Variants in EGFL8 observed in about 807,000 individuals in gnomAD.
EGFL8 encodes epidermal growth factor-like protein 8.
In EGFL8, 32 loss-of-function variants were observed where a neutral mutation model predicts 39.4. The ratio of observed to expected loss-of-function variants is 0.81; its 90% CI spans 0.61 to 1.09. The LOEUF (loss-of-function observed/expected upper bound fraction) is 1.09, where lower values mean the gene tolerates loss of function less well. Among genes scored for constraint, EGFL8 ranks in the 50% least tolerant of loss-of-function variants. The probability of loss-of-function intolerance (pLI) is 0.00; values close to 1 mark genes in which losing one functional copy is unlikely to be tolerated. For missense variants in EGFL8, 385 were observed against 402.2 expected (o/e 0.96, Z 0.37); for synonymous variants, 177 against 168.5 (o/e 1.05, Z -0.39).
rs1784525093 is a variant in EGFL8, at chr6:32,166,731, GAGGC to G, written c.256_259del (p.Arg86GlyfsTer33). ...TGTACCGCGTTATGTGGCGGGAGGTGAGGCGGGAGGTTCAGCAGACCCATGCAGT... is the reference window on the plus strand; with the variant it reads ...TGTACCGCGTTATGTGGCGGGAGGTGGGGAGGTTCAGCAGACCCATGCAGT... On this transcript the variant is annotated frameshift_variant, in exon 4 of 9. Transcript: ENST00000333845. LOFTEE classifies it high-confidence loss of function. The surrounding 1 kb of genome is among the most constrained non-coding windows in gnomAD (Gnocchi z 7.3). The G allele has an allele frequency of 6.3e-7, 1 of 1,594,368 alleles. No homozygotes were observed. The highest frequency in any genetic ancestry group is 8.6e-7 in the Non-Finnish European group (1 of 1,168,146).
rs764033710 is a variant in EGFL8, at chr6:32,167,077, C to T, written c.431-10C>T. The T allele has an allele frequency of 2.5e-6, 4 of 1,612,992 alleles. No homozygotes were observed. Among genetic ancestry groups the T allele is most frequent in the East Asian group, 4.5e-5 (2 of 44,880 alleles). The stretch of plus-strand genomic sequence containing the variant: ...CCCTCTCTCAGCCCCTTCCTTTTTT[C>T]GGTAACTAGACGTGGATGAATGTAG... On this transcript the variant is annotated splice_polypyrimidine_tract_variant and intron_variant, in intron 5 of 8. Transcript: ENST00000333845. The surrounding 1 kb of genome is among the most constrained non-coding windows in gnomAD (Gnocchi z 6.4).
rs760088898 is a variant in EGFL8 at position 32,167,565 on chromosome 6, G to A, written c.744G>A (p.Gln248=). 8.1e-6 allele frequency: 13 copies of A among 1,610,228 alleles called. No individual in the cohort carries two copies. In the African/African-American group the frequency reaches 1.3e-4, roughly 17 times the overall value. ...TGCCCGTGCCGCCTGAAGAGCTGCA[G>A]CCAGAACAGGTGGCTGAGCTGTGGG... ...AVLPVPPEEL[Q]PEQVAELWGR... is the part of the protein sequence containing the mutation. Residue 248 remains glutamine, a synonymous_variant, in exon 8 of 9, where the codon CAG becomes CAA. Transcript: ENST00000333845. This position sits in a 1 kb window ranked among gnomAD's most constrained non-coding sequence, Gnocchi z 6.4.
At position 32,167,837 on chromosome 6, in the gene EGFL8, T is replaced by G; in HGVS notation, c.836-73T>G. On this transcript the variant is annotated intron_variant, in intron 8 of 8. Transcript: ENST00000333845. This position sits in a 1 kb window ranked among gnomAD's most constrained non-coding sequence, Gnocchi z 6.4. ...TCCCCAGCCCAACAGTTTCACTTAT[T>G]GTTTGGTGAGAGTGGCAGTGTAGTC... 6.4e-7 allele frequency: 1 copy of G among 1,564,576 alleles called. No homozygotes were observed. Among genetic ancestry groups the G allele is most frequent in the Non-Finnish European group, 8.8e-7 (1 of 1,138,390 alleles).
At position 32,167,750 on chromosome 6, in the gene EGFL8, C is replaced by G. The variant is rs1482828985; in HGVS notation, c.835+94C>G. ...GGCATTCCCTCTTTCCTCCAAGCCC[C>G]TCTCCAACATTCACTATCCTCATGC... is the stretch of plus-strand genomic sequence containing the variant. On this transcript the variant is annotated intron_variant, in intron 8 of 8. Coordinates refer to ENST00000333845, the MANE Select transcript of EGFL8 (RefSeq NM_030652.4). The surrounding 1 kb of genome is among the most constrained non-coding windows in gnomAD (Gnocchi z 6.4). The G allele has an allele frequency of 1.3e-6, 2 of 1,543,064 alleles. No homozygotes were observed. The highest frequency in any genetic ancestry group is 4.5e-5 in the East Asian group (2 of 44,190).
chr6:32,166,241 G>A lies in EGFL8; in HGVS notation c.76G>A (p.Ala26Thr), dbSNP rs775642368. 3.7e-6 allele frequency: 6 copies of A among 1,614,090 alleles called. No homozygotes were observed. In the South Asian group the frequency reaches 6.6e-5, roughly 18 times the overall value. The change falls in exon 2 of 9, where the codon GCC becomes ACC. Residue 26 changes from alanine (A) to threonine (T), a missense_variant. Transcript: ENST00000333845. This position sits in a 1 kb window ranked among gnomAD's most constrained non-coding sequence, Gnocchi z 7.3. Reference protein sequence around the residue: ...FLLLLIPGEGAKGGSLRESQG... With the variant: ...FLLLLIPGEGTKGGSLRESQG... The stretch of plus-strand genomic sequence containing the variant: ...CCTGCTACTGATACCAGGCGAGGGG[G>A]CCAAGGGTGGATCCCTCAGAGAGAG...
At position 32,167,373 on chromosome 6, in the gene EGFL8, C is replaced by G. The variant is rs759709000; in HGVS notation, c.625C>G (p.Arg209Gly). Residue 209 changes from arginine to glycine, a missense_variant, in exon 7 of 9, where the codon CGC becomes GGC. Physicochemically the swap from Arg to Gly is moderately radical, Grantham distance 125 (BLOSUM62 -2). Coordinates refer to ENST00000333845, the MANE Select transcript of EGFL8 (RefSeq NM_030652.4). The surrounding 1 kb of genome is among the most constrained non-coding windows in gnomAD (Gnocchi z 6.4). The part of the protein sequence containing the change: ...VAVREAEKDE[R>G]ALKQEIHELR... ...AGTTCGGGAGGCGGAAAAAGATGAG[C>G]GCGCTCTGAAGCAGGAGATTCACGA... is the stretch of plus-strand genomic sequence containing the variant. 1 of 1,613,032 alleles carries G rather than the reference C, an allele frequency of 6.2e-7. No homozygotes were observed. The highest frequency in any genetic ancestry group is 1.1e-5 in the South Asian group (1 of 91,086).
In EGFL8 at chr6:32,167,386, A is replaced by G; in HGVS notation, c.638A>G (p.Gln213Arg). ...EAEKDERALKQEIHELRGRLE... is the reference protein window; with the variant it reads ...EAEKDERALKREIHELRGRLE... Reference sequence around the variant, plus strand: ...GAAAAAGATGAGCGCGCTCTGAAGCAGGAGATTCACGAGCTGCGAGGGCGC... The same window carrying G: ...GAAAAAGATGAGCGCGCTCTGAAGCGGGAGATTCACGAGCTGCGAGGGCGC... Residue 213 changes from glutamine (Q) to arginine (R), a missense_variant, in exon 7 of 9, where the codon CAG (glutamine) becomes CGG (arginine). By Grantham distance (43) the Gln-to-Arg change is conservative (BLOSUM62 1). Coordinates refer to ENST00000333845, the MANE Select transcript of EGFL8 (RefSeq NM_030652.4). The surrounding 1 kb of genome is among the most constrained non-coding windows in gnomAD (Gnocchi z 6.4). 2 of 1,613,092 alleles carry G rather than the reference A, an allele frequency of 1.2e-6. No individual in the cohort carries two copies. Among genetic ancestry groups the G allele is most frequent in the Non-Finnish European group, 1.7e-6 (2 of 1,180,024 alleles).
rs777263645 is a variant in EGFL8 at position 32,166,701 on chromosome 6, G to A, written c.225G>A (p.Arg75=). 4.3e-6 allele frequency: 7 copies of A among 1,610,332 alleles called. No individual in the cohort carries two copies. The highest frequency in any genetic ancestry group is 5.9e-6 in the Non-Finnish European group (7 of 1,177,340). Residue 75 remains arginine (R), a splice_region_variant and synonymous_variant, in exon 4 of 9, where the codon AGG becomes AGA. Coordinates refer to ENST00000333845, the MANE Select transcript of EGFL8 (RefSeq NM_030652.4). This position sits in a 1 kb window ranked among gnomAD's most constrained non-coding sequence, Gnocchi z 7.3. ...TCCTGAGCCGGGCGCTGTGTTCCAGGACCATGTACCGCGTTATGTGGCGGG... is the reference window on the plus strand; with the variant it reads ...TCCTGAGCCGGGCGCTGTGTTCCAGAACCATGTACCGCGTTATGTGGCGGG... The part of the protein sequence containing the change: ...CAGRRICSTY[R]TMYRVMWREV...
chr6:32,165,056 C>T (rs1353758796), intron 1 of EGFL8, among the ~76,000 whole-genome samples: 4 of 151,818 alleles, frequency 2.6e-5, no homozygotes, highest in Non-Finnish European at 5.9e-5. Flanking sequence ...GGATTACAGG[C>T]GTCCACCACT....
Position 32,166,664 on chromosome 6 carries a change from C to T in EGFL8, c.225-37C>T. ...GGACCCCAAGAACCCCAACTAGGACCCGTACTCAGGGTCCTGAGCCGGGCG... is the reference window on the plus strand; with the variant it reads ...GGACCCCAAGAACCCCAACTAGGACTCGTACTCAGGGTCCTGAGCCGGGCG... On this transcript the variant is annotated intron_variant, in intron 3 of 8. Coordinates refer to ENST00000333845, the MANE Select transcript of EGFL8 (RefSeq NM_030652.4). This position sits in a 1 kb window ranked among gnomAD's most constrained non-coding sequence, Gnocchi z 7.3. 1.2e-6 allele frequency: 2 copies of T among 1,614,092 alleles called. No individual in the cohort carries two copies. The highest frequency in any genetic ancestry group is 8.5e-7 in the Non-Finnish European group (1 of 1,179,964).
Position 32,167,402 on chromosome 6 carries a change from G to T in EGFL8, c.654G>T (p.Leu218=), listed in dbSNP as rs761354154. The change falls in exon 7 of 9, where the codon CTG becomes CTT. Residue 218 remains leucine (L), a synonymous_variant. Coordinates refer to ENST00000333845, the MANE Select transcript of EGFL8 (RefSeq NM_030652.4). The surrounding 1 kb of genome is among the most constrained non-coding windows in gnomAD (Gnocchi z 6.4). ...ERALKQEIHE[L]RGRLERLEQW... ...CTCTGAAGCAGGAGATTCACGAGCT[G>T]CGAGGGCGCCTGGAGCGGCTGGAGC... The T allele has an allele frequency of 1.3e-5, 21 of 1,612,950 alleles. No homozygotes were observed. Among genetic ancestry groups the T allele is most frequent in the Non-Finnish European group, 1.8e-5 (21 of 1,180,040 alleles).
chr6:32,167,880 AGC>A lies in EGFL8; in HGVS notation c.836-29_836-28del. The A allele has an allele frequency of 6.2e-7, 1 of 1,612,190 alleles. No individual in the cohort carries two copies. The highest frequency in any genetic ancestry group is 8.5e-7 in the Non-Finnish European group (1 of 1,178,232). On this transcript the variant is annotated intron_variant, in intron 8 of 8. Coordinates refer to ENST00000333845, the MANE Select transcript of EGFL8 (RefSeq NM_030652.4). The surrounding 1 kb of genome is among the most constrained non-coding windows in gnomAD (Gnocchi z 6.4). The stretch of plus-strand genomic sequence containing the variant: ...GTGTAGTCCACTCCAGGCTGACCAC[AGC>A]CACTGTGTCTGCCATGTCATTAACC...
rs1457087114 is a variant in EGFL8, at chr6:32,164,686, G to C, written c.-29+29G>C. On this transcript the variant is annotated intron_variant, in intron 1 of 8. Coordinates refer to ENST00000333845, the MANE Select transcript of EGFL8 (RefSeq NM_030652.4). The surrounding 1 kb of genome is among the most constrained non-coding windows in gnomAD (Gnocchi z 5.4). The stretch of plus-strand genomic sequence containing the variant: ...GGAATGGAGAGAGAGAGGAAGGCAA[G>C]TGGGGAGAGAATTTCAAATGGGGAA... The C allele has an allele frequency of 1.4e-6, 1 of 715,414 alleles. No individual in the cohort carries two copies. The allele number at this position is 715,414 out of a possible 1,614,324, so 44.3% of individuals were successfully genotyped here.
At position 32,166,947 on chromosome 6, in the gene EGFL8, C is replaced by T; in HGVS notation, c.372C>T (p.Cys124=). 4 of 1,613,226 alleles carry T rather than the reference C, an allele frequency of 2.5e-6. No individual in the cohort carries two copies. Among genetic ancestry groups the T allele is most frequent in the South Asian group, 1.1e-5 (1 of 91,036 alleles). ...CAKPCLNGGV[C]VRPDQCECAP... is the part of the protein sequence containing the mutation. ...AGCCTTGCCTGAACGGAGGCGTCTG[C>T]GTTAGGCCTGACCAGTGCGAGTGCG... The change falls in exon 5 of 9, where the codon TGC becomes TGT. Residue 124 remains cysteine, a synonymous_variant. Coordinates refer to ENST00000333845, the MANE Select transcript of EGFL8 (RefSeq NM_030652.4). This position sits in a 1 kb window ranked among gnomAD's most constrained non-coding sequence, Gnocchi z 7.3.
Position 32,164,901 on chromosome 6 carries a change from TTTTG to T in EGFL8, c.-29+256_-29+259del, listed in dbSNP as rs779549736. Among the ~76,000 whole-genome samples, 26 of 151,978 alleles carry T rather than the reference TTTTG, an allele frequency of 1.7e-4. No individual in the cohort carries two copies. Among genetic ancestry groups the T allele is most frequent in the South Asian group, 6.2e-4 (3 of 4,810 alleles). On this transcript the variant is annotated intron_variant, in intron 1 of 8. Transcript: ENST00000333845. The surrounding 1 kb of genome is among the most constrained non-coding windows in gnomAD (Gnocchi z 5.4). Reference sequence around the variant, plus strand: ...GTGAAGGTATATAGCTAGGGGTTTTTTTTGTTTGTTTGTTTTGTTTGTTTTTTTG... The same window carrying T: ...GTGAAGGTATATAGCTAGGGGTTTTTTTTGTTTGTTTTGTTTGTTTTTTTG...
In EGFL8 at chr6:32,167,174, A is replaced by G. The variant is rs934874116; in HGVS notation, c.518A>G (p.Asp173Gly). Residue 173 changes from aspartate to glycine, a missense_variant, in exon 6 of 9, where the codon GAC becomes GGC. Asp to Gly is a moderately conservative substitution (Grantham distance 94). Transcript: ENST00000333845. The surrounding 1 kb of genome is among the most constrained non-coding windows in gnomAD (Gnocchi z 6.4). ...AGCTTCACCTGCGGCTGCCCCCATG[A>G]CCTAGTGCTAGGCGTGGACGGGCGC... Reference protein sequence around the residue: ...AGSFTCGCPHDLVLGVDGRTC... With the variant: ...AGSFTCGCPHGLVLGVDGRTC... 6.2e-7 allele frequency: 1 copy of G among 1,612,854 alleles called. No individual in the cohort carries two copies. The highest frequency in any genetic ancestry group is 1.3e-5 in the African/African-American group (1 of 74,916).
Position 32,166,867 on chromosome 6 carries a change from G to A in EGFL8, c.335-43G>A. On this transcript the variant is annotated intron_variant, in intron 4 of 8. Coordinates refer to ENST00000333845, the MANE Select transcript of EGFL8 (RefSeq NM_030652.4). The surrounding 1 kb of genome is among the most constrained non-coding windows in gnomAD (Gnocchi z 7.3). ...GCGCGCCCCACGGAGCTGGGGAGCT[G>A]GGTCGTCGGTTTGAGTCTGAACCCC... 1 of 1,588,284 alleles carries A rather than the reference G, an allele frequency of 6.3e-7. No homozygotes were observed. Among genetic ancestry groups the A allele is most frequent in the Non-Finnish European group, 8.6e-7 (1 of 1,165,250 alleles).
chr6:32,167,550 G>T lies in EGFL8; in HGVS notation c.729G>T (p.Pro243=). Residue 243 remains proline, a synonymous_variant, in exon 8 of 9, where the codon CCG becomes CCT. Coordinates refer to ENST00000333845, the MANE Select transcript of EGFL8 (RefSeq NM_030652.4). The surrounding 1 kb of genome is among the most constrained non-coding windows in gnomAD (Gnocchi z 6.4). ...GGGTCAGAGCGGTGCTGCCCGTGCC[G>T]CCTGAAGAGCTGCAGCCAGAACAGG... The part of the protein sequence containing the change: ...GAWVRAVLPV[P]PEELQPEQVA... 6.2e-7 allele frequency: 1 copy of T among 1,609,034 alleles called. No individual in the cohort carries two copies. Among genetic ancestry groups the T allele is most frequent in the Non-Finnish European group, 8.5e-7 (1 of 1,179,790 alleles).
chr6:32,167,690 A>C lies in EGFL8; in HGVS notation c.835+34A>C, dbSNP rs1784664796. 2 of 1,577,322 alleles carry C rather than the reference A, an allele frequency of 1.3e-6. No individual in the cohort carries two copies. The highest frequency in any genetic ancestry group is 1.7e-6 in the Non-Finnish European group (2 of 1,160,406). Reference sequence around the variant, plus strand: ...TCACACTCCTCCCGCCTTGACTTCTATTCCCCAACTTTCCCCAAGACCCCT... The same window carrying C: ...TCACACTCCTCCCGCCTTGACTTCTCTTCCCCAACTTTCCCCAAGACCCCT... On this transcript the variant is annotated intron_variant, in intron 8 of 8. Coordinates refer to ENST00000333845, the MANE Select transcript of EGFL8 (RefSeq NM_030652.4). This position sits in a 1 kb window ranked among gnomAD's most constrained non-coding sequence, Gnocchi z 6.4.
Sources: gnomAD v4.1 joint callset for allele counts (sites outside exome capture counted in the v4.1 genomes callset) on GRCh38, gnomAD v4.1.1 for gene constraint, Gnocchi (gnomAD v3.1) non-coding constraint, MANE v1.5 for transcripts, NCBI Gene and HGNC (gene_info 2026-07-23, HGNC 2026-07-21) for gene names.